The following DAB1 variants were observed in gnomAD, a reference collection of about 807,000 sequenced individuals.
DAB1 encodes DAB adaptor protein 1.
DAB1 carries 15 observed loss-of-function variants against 64.6 expected under a neutral mutation model. The ratio of observed to expected loss-of-function variants is 0.23; its 90% CI spans 0.16 to 0.36. DAB1 has a LOEUF of 0.36. DAB1 is among the 10% of genes least tolerant of loss of function. DAB1 has a pLI of 1.00. For synonymous variants in DAB1, 235 were observed against 251.9 expected (o/e 0.93, Z 0.64); for missense variants, 596 against 706.7 (o/e 0.84, Z 1.78).
chr1:57,757,829 A>G (rs535931146), intron 6 of DAB1, among the ~76,000 whole-genome samples: 1 of 152,038 alleles, frequency 6.6e-6, no homozygotes, highest in South Asian at 2.1e-4. Flanking sequence ...ATTTTTCTTT[A>G]TTTTTGAGAC....
chr1:58,134,154 A>G (rs1653808730), intron 5 of DAB1, among the ~76,000 whole-genome samples: 1 of 152,206 alleles, frequency 6.6e-6, no homozygotes, highest in Non-Finnish European at 1.5e-5. Flanking sequence ...AATAATAGAC[A>G]TGTATTTCTC....
intron 2 of DAB1, among the ~76,000 whole-genome samples, chr1:57,278,868 T>C (rs1558078052): frequency 6.6e-6 from 1 of 152,204 alleles, no homozygotes; most frequent in Admixed American, 6.5e-5. Flanking sequence ...ACCTTCCTCA[T>C]CTGTAAACCT....
chr1:58,019,804 G>T (rs1340956942), intron 5 of DAB1, among the ~76,000 whole-genome samples: 2 of 152,082 alleles, frequency 1.3e-5, no homozygotes, highest in Non-Finnish European at 2.9e-5. Flanking sequence ...GCTTTAAGAG[G>T]GATCATCATG....
intron 7 of DAB1, among the ~76,000 whole-genome samples, chr1:57,610,292 A>C (rs561474884): frequency 3.3e-5 from 5 of 152,354 alleles, no homozygotes; most frequent in African/African-American, 1.2e-4. Context: ...TCTGATATGC[A>C]TTAATAATCA....
At chr1:57,712,914 A>T (rs1284891544) in intron 6 of DAB1, among the ~76,000 whole-genome samples, 1 of 152,218 alleles carries the variant, frequency 6.6e-6, no homozygotes, top group Non-Finnish European at 1.5e-5. Flanking sequence ...AATGGAAGAT[A>T]GAGTGCCACT....
At chr1:58,483,660 C>T (rs181574426) in intron 3 of DAB1, among the ~76,000 whole-genome samples, 1 of 152,184 alleles carries the variant, frequency 6.6e-6, no homozygotes, top group Non-Finnish European at 1.5e-5. Flanking sequence ...ATAGCACTTA[C>T]AGCACTTAAG....
chr1:57,006,856 A>G (rs2100255284), intron 14 of DAB1, among the ~76,000 whole-genome samples: 1 of 152,270 alleles, frequency 6.6e-6, no homozygotes, highest in African/African-American at 2.4e-5. Flanking sequence ...TGATTCTTGG[A>G]CAGCTTGGGG....
chr1:57,833,193 C>T (rs933013089), intron 1 of DAB1, among the ~76,000 whole-genome samples: 2 of 152,024 alleles, frequency 1.3e-5, no homozygotes, highest in East Asian at 1.9e-4. Flanking sequence ...GTGAATCCTA[C>T]TATTTTTCTT....
chr1:57,716,798 A>C (rs1348941351), intron 6 of DAB1, among the ~76,000 whole-genome samples: 1 of 152,220 alleles, frequency 6.6e-6, no homozygotes, highest in African/African-American at 2.4e-5. Flanking sequence ...GAAGAGACCA[A>C]CCTACAGAAT....
At position 58,061,164 on chromosome 1, in the gene DAB1, CA is replaced by C. The variant is rs577768975; in HGVS notation, n.387+89346del. Among the ~76,000 whole-genome samples, 230 of 152,320 alleles carry C rather than the reference CA, an allele frequency of 1.5e-3. 2 individuals carry two copies. The highest frequency in any genetic ancestry group is 1.7e-3 in the Non-Finnish European group (113 of 68,018). Reference sequence around the variant, plus strand: ...ACACCTCAGAGTATCAGAGAATATGCAGTGACAAATCCACAGGCTTTCGAAT... The same window carrying C: ...ACACCTCAGAGTATCAGAGAATATGCGTGACAAATCCACAGGCTTTCGAAT... On this transcript the variant is annotated intron_variant and non_coding_transcript_variant, in intron 5 of 20. Coordinates refer to the DAB1 transcript ENST00000485760.
At chr1:57,547,045 T>C (rs1448807466) in intron 7 of DAB1, among the ~76,000 whole-genome samples, 1 of 152,066 alleles carries the variant, frequency 6.6e-6, no homozygotes, top group Non-Finnish European at 1.5e-5. Context: ...GGTATCAGGA[T>C]TTGGAGTACA....
At chr1:57,131,244 G>A (rs781395264) in intron 4 of DAB1, among the ~76,000 whole-genome samples, 13 of 152,176 alleles carry the variant, frequency 8.5e-5, no homozygotes, top group Non-Finnish European at 1.9e-4. Context: ...CAGCCTGGGG[G>A]TCAAATGACC....
intron 5 of DAB1, among the ~76,000 whole-genome samples, chr1:57,952,414 G>A (rs1274040259): frequency 1.3e-5 from 2 of 152,094 alleles, no homozygotes; most frequent in African/African-American, 2.4e-5. Context: ...TTCCAGTTAA[G>A]CCACTGCTGT....
chr1:58,146,873 C>T (rs1487158312), intron 5 of DAB1, among the ~76,000 whole-genome samples: 2 of 152,082 alleles, frequency 1.3e-5, no homozygotes, highest in Non-Finnish European at 2.9e-5. Context: ...CATATCTTGG[C>T]TATTGTGTAA....
intron 1 of DAB1, among the ~76,000 whole-genome samples, chr1:57,335,388 T>C (rs1677000080): frequency 6.6e-6 from 1 of 152,218 alleles, no homozygotes. Flanking sequence ...CAAATGACTA[T>C]TTTACTGGCA....
intron 4 of DAB1, among the ~76,000 whole-genome samples, chr1:58,253,312 C>T (rs1042664723): frequency 1.3e-5 from 2 of 152,204 alleles, no homozygotes; most frequent in Admixed American, 6.5e-5. Flanking sequence ...CTGCCAACCC[C>T]ACCACCACTG....
chr1:57,291,852 C>G (rs597941), intron 1 of DAB1, among the ~76,000 whole-genome samples: 1 of 151,944 alleles, frequency 6.6e-6, no homozygotes, highest in Non-Finnish European at 1.5e-5. Flanking sequence ...ACTCAGACAC[C>G]GTGCTAGGAA....
intron 2 of DAB1, among the ~76,000 whole-genome samples, chr1:57,188,615 A>AT (rs1429910756): frequency 6.6e-6 from 1 of 150,554 alleles, no homozygotes; most frequent in Non-Finnish European, 1.5e-5. Flanking sequence ...CTTCAGAAAA[A>AT]TAGTCAAAGT....
chr1:58,424,298 G>A (rs1569761767), intron 3 of DAB1, among the ~76,000 whole-genome samples: 1 of 152,208 alleles, frequency 6.6e-6, no homozygotes, highest in South Asian at 2.1e-4. Flanking sequence ...CCACAGTAAG[G>A]AGGGCAATCT....
Sources: allele counts gnomAD v4.1 joint callset (sites outside exome capture counted in the v4.1 genomes callset), GRCh38; gene constraint gnomAD v4.1.1; transcripts MANE v1.5; gene names NCBI Gene and HGNC (gene_info 2026-07-23, HGNC 2026-07-21).